NDST3: variants seen among roughly 807,000 people sequenced by gnomAD.
The protein encoded by NDST3 is bifunctional heparan sulfate N-deacetylase/N-sulfotransferase 3.
Under a neutral mutation model 96.1 loss-of-function variants are expected in NDST3, and 58 were observed. That is an observed-to-expected ratio of 0.60 (90% CI 0.49 to 0.75). The LOEUF (loss-of-function observed/expected upper bound fraction) is 0.75, where lower values mean the gene tolerates loss of function less well. Among genes scored for constraint, NDST3 ranks in the 30% least tolerant of loss-of-function variants. The pLI is 0.00. For missense variants in NDST3, 788 were observed against 1,034.2 expected (o/e 0.76, Z 3.27); for synonymous variants, 333 against 359.7 (o/e 0.93, Z 0.84).
At chr4:118,141,065 G>A (rs79437969) in intron 5 of NDST3, among the ~76,000 whole-genome samples, 2 of 152,112 alleles carry the variant, frequency 1.3e-5, no homozygotes, top group African/African-American at 4.8e-5. Flanking sequence ...AGTATTTGTT[G>A]GCAGTTGCTC....
chr4:118,061,850 T>C (rs1237917105), intron 2 of NDST3, among the ~76,000 whole-genome samples: 5 of 152,202 alleles, frequency 3.3e-5, no homozygotes, highest in Non-Finnish European at 7.3e-5. Flanking sequence ...GAACAATTCA[T>C]GAATCAGGCA....
At chr4:118,109,595 T>C (rs1227116582) in intron 3 of NDST3, among the ~76,000 whole-genome samples, 7 of 152,208 alleles carry the variant, frequency 4.6e-5, no homozygotes, top group Non-Finnish European at 1.5e-5. Context: ...GAAAGGGTCT[T>C]GTTAGCTGTG....
intron 12 of NDST3, among the ~76,000 whole-genome samples, chr4:118,249,874 A>T (rs989482178): frequency 1.3e-5 from 2 of 152,180 alleles, no homozygotes; most frequent in African/African-American, 4.8e-5. Context: ...ACGTACCACC[A>T]GAATCAAGAT....
At chr4:118,247,888 T>C (rs1028090287) in intron 12 of NDST3, among the ~76,000 whole-genome samples, 9 of 152,224 alleles carry the variant, frequency 5.9e-5, no homozygotes, top group Non-Finnish European at 1.0e-4. Flanking sequence ...AATGATGGTA[T>C]TTTGATTTTG....
intron 3 of NDST3, among the ~76,000 whole-genome samples, chr4:118,107,601 T>C (rs982094510): frequency 6.6e-6 from 1 of 152,112 alleles, no homozygotes; most frequent in Admixed American, 6.5e-5. Flanking sequence ...AGTACAGTGA[T>C]TAGAATATGT....
At chr4:118,070,526 T>C (rs1726968003) in intron 2 of NDST3, among the ~76,000 whole-genome samples, 1 of 152,040 alleles carries the variant, frequency 6.6e-6, no homozygotes, top group South Asian at 2.1e-4. Context: ...CTCCCTACAG[T>C]CTATTATTTT....
intron 2 of NDST3, among the ~76,000 whole-genome samples, chr4:118,058,406 T>C (rs1213109950): frequency 5.7e-5 from 8 of 139,778 alleles, no homozygotes; most frequent in Non-Finnish European, 1.1e-4. Context: ...CACAAAGTGT[T>C]TCATTCTTTG....
intron 5 of NDST3, among the ~76,000 whole-genome samples, chr4:118,141,430 T>G (rs962831286): frequency 1.3e-5 from 2 of 152,114 alleles, no homozygotes; most frequent in Admixed American, 6.5e-5. Context: ...GTCCACTGAC[T>G]CCCGCTAGGG....
chr4:118,090,630 C>T (rs559921208), intron 2 of NDST3, among the ~76,000 whole-genome samples: 61 of 152,012 alleles, frequency 4.0e-4, no homozygotes, highest in African/African-American at 1.5e-3. Context: ...AATCTGCATA[C>T]TGATATTGAT....
At chr4:118,140,062 G>A (rs1478070915) in intron 5 of NDST3, among the ~76,000 whole-genome samples, 1 of 152,076 alleles carries the variant, frequency 6.6e-6, no homozygotes, top group Non-Finnish European at 1.5e-5. Flanking sequence ...GTGCCCTTCA[G>A]GTACCTGAAA....
intron 6 of NDST3, among the ~76,000 whole-genome samples, chr4:118,187,523 C>T (rs559873286): frequency 1.3e-5 from 2 of 152,218 alleles, no homozygotes; most frequent in African/African-American, 2.4e-5. Flanking sequence ...ATTTGTTGTT[C>T]GTATTGGTCC....
At chr4:118,122,443 G>A (rs1560658867) in intron 4 of NDST3, among the ~76,000 whole-genome samples, 1 of 152,046 alleles carries the variant, frequency 6.6e-6, no homozygotes. Flanking sequence ...TGGCATTTTT[G>A]TGTCTCCCAC....
At chr4:118,180,480 T>C (rs1348096248) in intron 6 of NDST3, among the ~76,000 whole-genome samples, 5 of 152,164 alleles carry the variant, frequency 3.3e-5, no homozygotes, top group Non-Finnish European at 4.4e-5. Flanking sequence ...TGTCCCTCTT[T>C]GAGTGGTACA....
chr4:118,170,686 A>G lies in NDST3; in HGVS notation c.1539+27002A>G, dbSNP rs564751633. Reference sequence around the variant, plus strand: ...GGAGATTGCAGTGAGCCGAGATCGCACCACTGCACTCCAGCCTGGGCGACA... The same window carrying G: ...GGAGATTGCAGTGAGCCGAGATCGCGCCACTGCACTCCAGCCTGGGCGACA... On this transcript the variant is annotated intron_variant, in intron 6 of 13. Coordinates refer to ENST00000296499, the MANE Select transcript of NDST3 (RefSeq NM_004784.3). 5.9e-5 allele frequency among the ~76,000 whole-genome samples: 9 copies of G among 152,216 alleles called. No homozygotes were observed. The South Asian group carries it at 1.9e-3, about 32-fold the overall frequency.
chr4:118,147,858 C>T (rs1478894076), intron 6 of NDST3, among the ~76,000 whole-genome samples: 1 of 152,134 alleles, frequency 6.6e-6, no homozygotes, highest in Non-Finnish European at 1.5e-5. Flanking sequence ...TGAGTCTTTG[C>T]TTATGCACTT....
chr4:118,242,284 G>GAA (rs200049944), intron 12 of NDST3, 135 bp downstream of exon 12: 193 of 537,476 alleles, frequency 3.6e-4, no homozygotes, highest in South Asian at 9.2e-4. Flanking sequence ...CATTAACCAC[G>GAA]GAAAAAAAAA....
intron 8 of NDST3, among the ~76,000 whole-genome samples, chr4:118,232,303 A>G (rs1341400314): frequency 1.3e-5 from 2 of 152,116 alleles, no homozygotes; most frequent in African/African-American, 4.8e-5. Flanking sequence ...GAGAAAATCT[A>G]TGAAATAAGT....
intron 2 of NDST3, among the ~76,000 whole-genome samples, chr4:118,067,774 GGAA>G (rs1371034052): frequency 6.6e-6 from 1 of 151,964 alleles, no homozygotes; most frequent in Non-Finnish European, 1.5e-5. Flanking sequence ...GGTGATGGGA[GGAA>G]GAGCATCAGG....
chr4:118,226,080 A>C, intron 7 of NDST3, among the ~76,000 whole-genome samples: 1 of 152,134 alleles, frequency 6.6e-6, no homozygotes, highest in Middle Eastern at 3.4e-3. Flanking sequence ...CAGAAGTCTT[A>C]TTTAACTTCA....
Sources: allele counts gnomAD v4.1 joint callset (sites outside exome capture counted in the v4.1 genomes callset), GRCh38; gene constraint gnomAD v4.1.1; transcripts MANE v1.5; gene names NCBI Gene and HGNC (gene_info 2026-07-23, HGNC 2026-07-21).